Variants in SMS observed in about 807,000 individuals in gnomAD.
The protein encoded by SMS is spermidine aminopropyltransferase.
Under a neutral mutation model 33.0 loss-of-function variants are expected in SMS, and 3 were observed. That is an observed-to-expected ratio of 0.09 (90% CI 0.04 to 0.23). The LOEUF is 0.23. Ranked by LOEUF, SMS falls within the 10% of genes least tolerant of loss-of-function variation. The pLI is 1.00. For synonymous variants in SMS, 103 were observed against 112.2 expected (o/e 0.92, Z 0.52); for missense variants, 117 against 288.6 (o/e 0.41, Z 4.31).
chrX:21,944,538 A>G (rs1398752016), intron 1 of SMS, among the ~76,000 whole-genome samples: 6 of 102,682 alleles, frequency 5.8e-5, no homozygotes, highest in East Asian at 3.0e-4. Flanking sequence ...AAAAAAAAAA[A>G]AAAAAAAGAA....
intron 1 of SMS, among the ~76,000 whole-genome samples, chrX:21,964,557 C>G (rs1004818962): frequency 9.0e-6 from 1 of 111,086 alleles, no homozygotes; most frequent in African/African-American, 3.3e-5. Flanking sequence ...TGTCTGAAGT[C>G]CCGTTGCTTT....
At chrX:21,956,484 T>G (rs113245952) in intron 1 of SMS, among the ~76,000 whole-genome samples, 196 of 109,863 alleles carry the variant, frequency 1.8e-3, no homozygotes, top group African/African-American at 6.3e-3. Context: ...TTTTTTATTT[T>G]TTGAGATGGA....
At chrX:21,981,364 G>C (rs1006030585) in intron 7 of SMS, among the ~76,000 whole-genome samples, 1 of 110,658 alleles carries the variant, frequency 9.0e-6, no homozygotes, top group Admixed American at 9.7e-5. Context: ...TTTATTATGA[G>C]TAATCCCAAG....
At position 21,972,437 on chromosome X, in the gene SMS, G is replaced by A. The variant is rs537275854; in HGVS notation, c.265-70G>A. ...CAGCTCTGTCAACATGGCCTCAGTC[G>A]TTGGGTCTGTAATTTAGTTCTTCCA... On this transcript the variant is annotated intron_variant, in intron 3 of 10. Transcript: ENST00000404933. The A allele has an allele frequency of 4.1e-4, 287 of 698,668 alleles. 1 individual carries two copies. In the South Asian group the frequency reaches 6.1e-3, roughly 15 times the overall value. The allele number at this position is 698,668 out of a possible 1,213,427, so 57.6% of individuals were successfully genotyped here.
chrX:21,970,191 C>A (rs1200778558), intron 2 of SMS, among the ~76,000 whole-genome samples: 2 of 112,146 alleles, frequency 1.8e-5, no homozygotes, highest in African/African-American at 6.5e-5. Flanking sequence ...AGGTGCCTGT[C>A]CTGAAACCTC....
chrX:21,985,638 A>G (rs772711775), intron 9 of SMS, among the ~76,000 whole-genome samples: 2 of 111,930 alleles, frequency 1.8e-5, no homozygotes, highest in Admixed American at 9.5e-5. Context: ...TATATCTCCT[A>G]TTGAAATCCT....
rs771256807 is a variant in SMS at position 21,970,948 on chromosome X, A to G, written c.171-949A>G. ...ATGGTGGCTCACGCCTGTAGTCTCA[A>G]CACTTTGGGAGGCCAAGGCAGGTGG... is the stretch of plus-strand genomic sequence containing the variant. On this transcript the variant is annotated intron_variant, in intron 2 of 10. Transcript: ENST00000404933. Among the ~76,000 whole-genome samples, 84 of 109,550 alleles carry G rather than the reference A, an allele frequency of 7.7e-4. 1 individual carries two copies. The highest frequency in any genetic ancestry group is 2.8e-3 in the African/African-American group (83 of 29,530).
intron 1 of SMS, among the ~76,000 whole-genome samples, chrX:21,946,221 T>C (rs1401625386): frequency 8.9e-6 from 1 of 112,107 alleles, no homozygotes; most frequent in Non-Finnish European, 1.9e-5. Context: ...GGACCCCAGG[T>C]TGAGACCCCC....
intron 10 of SMS, among the ~76,000 whole-genome samples, chrX:21,993,000 T>G (rs1442454677): frequency 2.7e-5 from 3 of 111,650 alleles, no homozygotes; most frequent in Non-Finnish European, 5.6e-5. Context: ...TCAAAGGTGT[T>G]GCCAGACCTG....
At chrX:21,992,900 C>T (rs1925852003) in intron 10 of SMS, among the ~76,000 whole-genome samples, 188 bp downstream of exon 10, 1 of 112,494 alleles carries the variant, frequency 8.9e-6, no homozygotes, top group South Asian at 3.6e-4. Context: ...AGATTCTAGA[C>T]TTCCATTCTC....
Position 21,947,512 on chromosome X carries a change from C to T in SMS, c.49+6639C>T, listed in dbSNP as rs765226003. On this transcript the variant is annotated intron_variant, in intron 1 of 10. Transcript: ENST00000404933. The stretch of plus-strand genomic sequence containing the variant: ...TGTCTGAAACCTTTGGCACACCTAC[C>T]TCACTCAGCCCAACCAGTCAGCCTA... Among the ~76,000 whole-genome samples, 32 of 112,160 alleles carry T rather than the reference C, an allele frequency of 2.9e-4. No homozygotes were observed. In the South Asian group the frequency reaches 0.011, roughly 40 times the overall value.
rs183484663 is a variant in SMS, at chrX:21,989,768, A to G, written c.946-2829A>G. Reference sequence around the variant, plus strand: ...GTTGTTGTTGTTGAGACAGAGATGGAGTCTCACTCTGTGGCCCAGGCTAGA... The same window carrying G: ...GTTGTTGTTGTTGAGACAGAGATGGGGTCTCACTCTGTGGCCCAGGCTAGA... On this transcript the variant is annotated intron_variant, in intron 9 of 10. Coordinates refer to ENST00000404933, the MANE Select transcript of SMS (RefSeq NM_004595.5). 5.4e-5 allele frequency among the ~76,000 whole-genome samples: 6 copies of G among 111,353 alleles called. No individual in the cohort carries two copies. The East Asian group carries it at 1.4e-3, about 26-fold the overall frequency.
chrX:21,962,893 G>T (rs370901072), intron 1 of SMS, among the ~76,000 whole-genome samples: 2 of 110,406 alleles, frequency 1.8e-5, no homozygotes, highest in African/African-American at 6.6e-5. Flanking sequence ...GGGCTCAAGC[G>T]ATCCTCCTGC....
chrX:21,966,211 T>C (rs1347903427), intron 1 of SMS, among the ~76,000 whole-genome samples: 1 of 112,525 alleles, frequency 8.9e-6, no homozygotes, highest in Non-Finnish European at 1.9e-5. Context: ...TTTGTTTTTT[T>C]CTTTTACCTC....
chrX:21,951,513 C>T (rs1422975262), intron 1 of SMS, among the ~76,000 whole-genome samples: 1 of 111,236 alleles, frequency 9.0e-6, no homozygotes, highest in African/African-American at 3.3e-5. Context: ...AAGTCTTTGC[C>T]CATGCCTATG....
intron 4 of SMS, among the ~76,000 whole-genome samples, chrX:21,975,814 C>T (rs1259767154): frequency 1.8e-5 from 2 of 110,513 alleles, no homozygotes; most frequent in Non-Finnish European, 3.8e-5. Flanking sequence ...CATAGAAAGC[C>T]TTGTTAACTT....
In SMS at chrX:21,940,920, C is replaced by G. The variant is rs1051586028; in HGVS notation, c.49+47C>G. ...TGCGTGGCCATCCCCGCCGCTCCCGCCGCCTGGCGGGCTGGGGCGGGGGTC... is the reference window on the plus strand; with the variant it reads ...TGCGTGGCCATCCCCGCCGCTCCCGGCGCCTGGCGGGCTGGGGCGGGGGTC... On this transcript the variant is annotated intron_variant, in intron 1 of 10. Coordinates refer to ENST00000404933, the MANE Select transcript of SMS (RefSeq NM_004595.5). 4.3e-6 allele frequency: 4 copies of G among 937,159 alleles called. No individual in the cohort carries two copies. In the Admixed American group the frequency reaches 1.0e-4, roughly 24 times the overall value. The allele number at this position is 937,159 out of a possible 1,213,427, so 77.2% of individuals were successfully genotyped here. A position where few individuals can be genotyped will look rare whatever the true frequency, so the allele number is the denominator to read the frequency against.
intron 1 of SMS, among the ~76,000 whole-genome samples, chrX:21,943,381 G>A (rs1921960393): frequency 8.9e-6 from 1 of 112,011 alleles, no homozygotes; most frequent in South Asian, 3.7e-4. Context: ...AACCATGGAT[G>A]TATCGTGTGG....
intron 10 of SMS, among the ~76,000 whole-genome samples, chrX:21,992,971 T>G (rs752636308): frequency 8.9e-6 from 1 of 111,808 alleles, no homozygotes; most frequent in South Asian, 3.7e-4. Context: ...CAAGCACTAC[T>G]GGTCTAAAGC....
Sources: gnomAD v4.1 joint callset for allele counts (sites outside exome capture counted in the v4.1 genomes callset) on GRCh38, gnomAD v4.1.1 for gene constraint, MANE v1.5 for transcripts, NCBI Gene and HGNC (gene_info 2026-07-23, HGNC 2026-07-21) for gene names.